The following SLC44A1 variants were observed in gnomAD, a reference collection of about 807,000 sequenced individuals.
SLC44A1 encodes the protein choline transporter-like protein 1.
SLC44A1 carries 26 observed loss-of-function variants against 79.3 expected under a neutral mutation model. That is an observed-to-expected ratio of 0.33 (90% confidence interval 0.24 to 0.46). The LOEUF is 0.46. Among genes scored for constraint, SLC44A1 ranks in the 20% least tolerant of loss-of-function variants. The pLI is 1.00. For synonymous variants in SLC44A1, 263 were observed against 286.2 expected (o/e 0.92, Z 0.82); for missense variants, 688 against 798.1 (o/e 0.86, Z 1.66).
In SLC44A1 at chr9:105,397,226, A is replaced by G; in HGVS notation, c.*8170A>G. 1.0e-6 allele frequency: 1 copy of G among 985,430 alleles called. No individual in the cohort carries two copies. Among genetic ancestry groups the G allele is most frequent in the Non-Finnish European group, 1.2e-6 (1 of 829,910 alleles). 61.0% of individuals were successfully genotyped at this position (985,430 alleles called of 1,614,324 possible). A position where few individuals can be genotyped will look rare whatever the true frequency, so the allele number is the denominator to read the frequency against. On this transcript the variant is annotated 3_prime_UTR_variant, in exon 16 of 16. Coordinates refer to ENST00000374720, the MANE Select transcript of SLC44A1 (RefSeq NM_080546.5). ...ATACGAACTAGAAAGAAAAGTGCTG[A>G]TCTAATGCTAAGTTTTCTCTGTGTA...
At chr9:105,430,461 A>C (rs558782758) in intron 15 of SLC44A1, among the ~76,000 whole-genome samples, 3 of 152,058 alleles carry the variant, frequency 2.0e-5, no homozygotes, top group Non-Finnish European at 4.4e-5. Context: ...CCTGGAAACC[A>C]CTATTCTACT....
chr9:105,420,067 C>T (rs952960558), intron 15 of SLC44A1, among the ~76,000 whole-genome samples: 2 of 152,116 alleles, frequency 1.3e-5, no homozygotes, highest in Admixed American at 1.3e-4. Flanking sequence ...AGCAGTTCTT[C>T]GAGCATTTGA....
chr9:105,312,911 T>A (rs570948780), intron 3 of SLC44A1, among the ~76,000 whole-genome samples: 12 of 152,318 alleles, frequency 7.9e-5, no homozygotes, highest in African/African-American at 2.9e-4. Flanking sequence ...TCTTATGTTG[T>A]CATTTCCCTC....
intron 1 of SLC44A1, among the ~76,000 whole-genome samples, chr9:105,269,590 C>G (rs1394486440): frequency 6.6e-6 from 1 of 152,216 alleles, no homozygotes; most frequent in Non-Finnish European, 1.5e-5. Flanking sequence ...TAAGTGCCCA[C>G]AAACCCTCCC....
intron 2 of SLC44A1, among the ~76,000 whole-genome samples, chr9:105,300,118 C>T (rs372074625): frequency 2.0e-4 from 30 of 152,202 alleles, no homozygotes; most frequent in African/African-American, 7.0e-4. Context: ...CTCATCTAGT[C>T]CATCGCCCTT....
intron 15 of SLC44A1, chr9:105,386,364 G>A: frequency 2.1e-6 from 2 of 949,304 alleles, no homozygotes; most frequent in Non-Finnish European, 2.5e-6. Context: ...TTATATAATT[G>A]TCTGCATCCT....
intron 2 of SLC44A1, among the ~76,000 whole-genome samples, chr9:105,299,522 G>A (rs1830820894): frequency 6.6e-6 from 1 of 152,228 alleles, no homozygotes; most frequent in African/African-American, 2.4e-5. Context: ...ATTTCAGAAA[G>A]CAAATCATTT....
intron 12 of SLC44A1, among the ~76,000 whole-genome samples, chr9:105,373,055 G>A (rs1353491709): frequency 6.6e-6 from 1 of 151,998 alleles, no homozygotes. Flanking sequence ...TCATATAATG[G>A]CAAGTTAAAT....
intron 15 of SLC44A1, among the ~76,000 whole-genome samples, chr9:105,418,335 A>G (rs1448813550): frequency 1.3e-5 from 2 of 149,098 alleles, no homozygotes; most frequent in South Asian, 2.1e-4. Context: ...AAAAAAAAAA[A>G]GAAAGAAAGA....
At chr9:105,301,204 A>T (rs1013715278) in intron 2 of SLC44A1, among the ~76,000 whole-genome samples, 2 of 152,172 alleles carry the variant, frequency 1.3e-5, no homozygotes, top group Non-Finnish European at 2.9e-5. Flanking sequence ...GGTGCTTTGG[A>T]TTTTCTGTGC....
At position 105,356,372 on chromosome 9, in the gene SLC44A1, T is replaced by G. The variant is rs1423185090; in HGVS notation, c.661T>G (p.Leu221Val). Reference sequence around the variant, plus strand: ...AGAAATTATATTGGGACTTTGCTTGTTATCACTAGGTAATTGTTTTTCTCA... The same window carrying G: ...AGAAATTATATTGGGACTTTGCTTGGTATCACTAGGTAATTGTTTTTCTCA... ...SKEIILGLCL[L>V]SLVLSMILMV... Residue 221 changes from leucine to valine, a missense_variant, in exon 6 of 16, where the codon TTA (leucine) becomes GTA (valine). Transcript: ENST00000374720. The G allele has an allele frequency of 6.3e-7, 1 of 1,593,234 alleles. No homozygotes were observed. Among genetic ancestry groups the G allele is most frequent in the African/African-American group, 1.4e-5 (1 of 73,748 alleles).
intron 15 of SLC44A1, among the ~76,000 whole-genome samples, chr9:105,409,861 A>G (rs955983718): frequency 1.3e-5 from 2 of 152,178 alleles, no homozygotes; most frequent in African/African-American, 4.8e-5. Context: ...ATCATACACC[A>G]ACTAGACATA....
At chr9:105,422,568 G>A (rs1450451664) in intron 15 of SLC44A1, among the ~76,000 whole-genome samples, 3 of 152,062 alleles carry the variant, frequency 2.0e-5, no homozygotes, top group Non-Finnish European at 4.4e-5. Flanking sequence ...TTACAGGTGT[G>A]AGCCACTGTG....
intron 15 of SLC44A1, among the ~76,000 whole-genome samples, chr9:105,405,130 G>A (rs1227473914): frequency 6.6e-6 from 1 of 152,016 alleles, no homozygotes; most frequent in Admixed American, 6.6e-5. Flanking sequence ...AACCAGCCTG[G>A]GCAACATGGT....
In SLC44A1 at chr9:105,392,403, C is replaced by CTT. The variant is rs57226567; in HGVS notation, c.*3373_*3374dup. ...GTAGAGATGCTCTCTCTCTCTCTCT[C>CTT]TTTTTTTTTTTTTTTTTTTTTTTTT... On this transcript the variant is annotated 3_prime_UTR_variant, in exon 16 of 16. Coordinates refer to ENST00000374720, the MANE Select transcript of SLC44A1 (RefSeq NM_080546.5). 1,242 of 610,402 alleles carry CTT rather than the reference C, an allele frequency of 2.0e-3. 26 individuals are homozygous for CTT. Among genetic ancestry groups the CTT allele is most frequent in the Admixed American group, 3.6e-3 (20 of 5,510 alleles). 37.8% of individuals were successfully genotyped at this position (610,402 alleles called of 1,614,324 possible). A position where few individuals can be genotyped will look rare whatever the true frequency, so the allele number is the denominator to read the frequency against.
intron 15 of SLC44A1, among the ~76,000 whole-genome samples, chr9:105,432,840 G>A (rs10115838): frequency 0.041 from 6,248 of 152,178 alleles, 412 homozygotes; most frequent in African/African-American, 0.14. Flanking sequence ...TGAGGCTGAG[G>A]CAGGAGAGTT....
At chr9:105,411,585 A>G (rs1438744902) in intron 15 of SLC44A1, among the ~76,000 whole-genome samples, 1 of 151,664 alleles carries the variant, frequency 6.6e-6, no homozygotes, top group Non-Finnish European at 1.5e-5. Flanking sequence ...CCAATCTAGG[A>G]TCACACATTG....
chr9:105,308,532 C>T (rs745541223), intron 2 of SLC44A1, among the ~76,000 whole-genome samples: 8 of 152,262 alleles, frequency 5.3e-5, no homozygotes, highest in South Asian at 4.2e-4. Flanking sequence ...TTGTAGCTCC[C>T]TTACCTGCAC....
chr9:105,391,704 G>A lies in SLC44A1; in HGVS notation c.*2648G>A. 1 of 985,116 alleles carries A rather than the reference G, an allele frequency of 1.0e-6. No homozygotes were observed. The highest frequency in any genetic ancestry group is 1.2e-6 in the Non-Finnish European group (1 of 829,842). The allele number at this position is 985,116 out of a possible 1,614,324, so 61.0% of individuals were successfully genotyped here. A position where few individuals can be genotyped will look rare whatever the true frequency, so the allele number is the denominator to read the frequency against. On this transcript the variant is annotated 3_prime_UTR_variant, in exon 16 of 16. Coordinates refer to ENST00000374720, the MANE Select transcript of SLC44A1 (RefSeq NM_080546.5). ...TCAAGTCATTCTTCAGCTAGCTATG[G>A]GCTGCCTTATTGCTATTCGCTCACT...
Sources: gnomAD v4.1 joint callset for allele counts (sites outside exome capture counted in the v4.1 genomes callset) on GRCh38, gnomAD v4.1.1 for gene constraint, MANE v1.5 for transcripts, NCBI Gene and HGNC (gene_info 2026-07-23, HGNC 2026-07-21) for gene names.